EPHB1: variants seen among roughly 807,000 people sequenced by gnomAD.
EPHB1 encodes the protein ephrin type-B receptor 1.
A neutral mutation model predicts 94.4 loss-of-function variants in EPHB1; 30 were observed. That is an observed-to-expected ratio of 0.32 (90% confidence interval 0.24 to 0.43). The LOEUF (loss-of-function observed/expected upper bound fraction) is 0.43. EPHB1 is among the 20% of genes least tolerant of loss of function. The probability of loss-of-function intolerance (pLI) is 1.00; values close to 1 mark genes in which losing one functional copy is unlikely to be tolerated. For synonymous variants in EPHB1, 522 were observed against 489.1 expected (o/e 1.07, Z -0.89); for missense variants, 1,055 against 1,308.3 (o/e 0.81, Z 2.99).
At chr3:135,255,674 T>C (rs1378245350) in intron 15 of EPHB1, among the ~76,000 whole-genome samples, 6 of 151,218 alleles carry the variant, frequency 4.0e-5, no homozygotes, top group Non-Finnish European at 8.8e-5. Flanking sequence ...GGTGTGGTGC[T>C]GAAAAAAAGT....
intron 5 of EPHB1, among the ~76,000 whole-genome samples, chr3:135,136,607 C>T (rs1193323710): frequency 1.1e-4 from 16 of 152,208 alleles, no homozygotes; most frequent in Non-Finnish European, 1.5e-4. Context: ...TCATTTGCAC[C>T]TCCCTAGGCT....
chr3:134,795,503 C>T lies in EPHB1; in HGVS notation c.-129C>T, dbSNP rs1243058951. 2 of 886,122 alleles carry T rather than the reference C, an allele frequency of 2.3e-6. No homozygotes were observed. Among genetic ancestry groups the T allele is most frequent in the African/African-American group, 1.8e-5 (1 of 56,304 alleles). The allele number at this position is 886,122 out of a possible 1,614,324, so 54.9% of individuals were successfully genotyped here. The stretch of plus-strand genomic sequence containing the variant: ...CGCCCACGCAGCGCTCCGGGAAGTC[C>T]GGTCCGGGCGAGAGCGCGAAAGGAT... On this transcript the variant is annotated 5_prime_UTR_variant, in exon 1 of 16. Coordinates refer to ENST00000398015, the MANE Select transcript of EPHB1 (RefSeq NM_004441.5).
At chr3:135,034,545 G>T (rs1040719409) in intron 3 of EPHB1, among the ~76,000 whole-genome samples, 4 of 152,262 alleles carry the variant, frequency 2.6e-5, no homozygotes, top group Non-Finnish European at 5.9e-5. Flanking sequence ...AGGATTAGAG[G>T]CTGAAAACCC....
chr3:135,257,800 C>T (rs1326798957), intron 15 of EPHB1, among the ~76,000 whole-genome samples: 2 of 152,072 alleles, frequency 1.3e-5, no homozygotes, highest in African/African-American at 4.8e-5. Flanking sequence ...TGGTGGGCGC[C>T]CCTCCCCCAG....
chr3:135,028,335 C>A lies in EPHB1; in HGVS notation c.805+76283C>A, dbSNP rs1272899149. Among the ~76,000 whole-genome samples the A allele has an allele frequency of 1.6e-3, 234 of 144,116 alleles. 1 individual carries two copies. Among genetic ancestry groups the A allele is most frequent in the Middle Eastern group, 3.5e-3 (1 of 286 alleles). 94.5% of individuals were successfully genotyped at this position (144,116 alleles called of 152,430 possible). On this transcript the variant is annotated intron_variant, in intron 3 of 15. Coordinates refer to ENST00000398015, the MANE Select transcript of EPHB1 (RefSeq NM_004441.5). ...TGATGTTAGGGTGTCAATTTTTGAT[C>A]TCTCCTGCTTTCTCTTGTAGGCATT...
chr3:134,797,382 G>A (rs1417383915), intron 1 of EPHB1, among the ~76,000 whole-genome samples: 2 of 152,162 alleles, frequency 1.3e-5, no homozygotes, highest in South Asian at 2.1e-4. Context: ...GGAAAGCCAG[G>A]GTGAGCGCAT....
At chr3:135,178,572 A>T (rs1942058127) in intron 9 of EPHB1, among the ~76,000 whole-genome samples, 2 of 151,992 alleles carry the variant, frequency 1.3e-5, no homozygotes, top group Non-Finnish European at 2.9e-5. Context: ...ACCAAGCAAC[A>T]CCAGTTTAGG....
chr3:135,258,996 G>T lies in EPHB1; in HGVS notation c.2847-16G>T. On this transcript the variant is annotated splice_polypyrimidine_tract_variant and intron_variant, in intron 15 of 15. Coordinates refer to ENST00000398015, the MANE Select transcript of EPHB1 (RefSeq NM_004441.5). ...CTAACACTAAAGTGACTTCTTTTCT[G>T]GCTCTTTCCTCCTAGAGACCTCCTG... is the stretch of plus-strand genomic sequence containing the variant. 1 of 1,583,096 alleles carries T rather than the reference G, an allele frequency of 6.3e-7. No individual in the cohort carries two copies. The highest frequency in any genetic ancestry group is 8.6e-7 in the Non-Finnish European group (1 of 1,160,828).
At position 135,132,921 on chromosome 3, in the gene EPHB1, G is replaced by A. The variant is rs201125634; in HGVS notation, c.1169G>A (p.Arg390His). 3.1e-5 allele frequency: 50 copies of A among 1,613,998 alleles called. No homozygotes were observed. In the East Asian group the frequency reaches 4.7e-4, roughly 15 times the overall value. The change falls in exon 5 of 16, where the codon CGC becomes CAC. Residue 390 changes from arginine (R) to histidine (H), a missense_variant. Physicochemically the swap from Arg to His is conservative, Grantham distance 29. Transcript: ENST00000398015. ...VPRQLGLTEC[R>H]VSISSLWAHT... ...AGGCAGCTGGGCCTGACGGAGTGCCGCGTCTCCATCAGCAGCCTGTGGGCC... is the reference window on the plus strand; with the variant it reads ...AGGCAGCTGGGCCTGACGGAGTGCCACGTCTCCATCAGCAGCCTGTGGGCC...
intron 3 of EPHB1, among the ~76,000 whole-genome samples, chr3:135,041,803 G>A (rs1001271327): frequency 6.6e-6 from 1 of 152,134 alleles, no homozygotes; most frequent in African/African-American, 2.4e-5. Context: ...TAAGATTGAG[G>A]GCCCACATCT....
At chr3:135,135,775 T>C (rs1940600235) in intron 5 of EPHB1, among the ~76,000 whole-genome samples, 1 of 152,198 alleles carries the variant, frequency 6.6e-6, no homozygotes, top group South Asian at 2.1e-4. Context: ...AGTCCTGGGA[T>C]CAATCATTAA....
intron 5 of EPHB1, among the ~76,000 whole-genome samples, chr3:135,133,581 C>A (rs985878431): frequency 6.6e-6 from 1 of 152,154 alleles, no homozygotes; most frequent in Non-Finnish European, 1.5e-5. Flanking sequence ...ATCAATATTA[C>A]CTTCATTTTC....
Position 135,249,629 on chromosome 3 carries a change from G to C in EPHB1, c.2846+138G>C. The C allele has an allele frequency of 4.2e-6, 4 of 947,502 alleles. No homozygotes were observed. In the South Asian group the frequency reaches 8.6e-5, roughly 20 times the overall value. 58.7% of individuals were successfully genotyped at this position (947,502 alleles called of 1,614,324 possible). A position where few individuals can be genotyped will look rare whatever the true frequency, so the allele number is the denominator to read the frequency against. ...TGTATAGACCAGGCCTGGATGGGGAGCACCTTGGAAAGATGAAGGGGGATG... is the reference window on the plus strand; with the variant it reads ...TGTATAGACCAGGCCTGGATGGGGACCACCTTGGAAAGATGAAGGGGGATG... On this transcript the variant is annotated intron_variant, in intron 15 of 15. Coordinates refer to ENST00000398015, the MANE Select transcript of EPHB1 (RefSeq NM_004441.5).
At chr3:134,945,406 G>A (rs1006956341) in intron 2 of EPHB1, among the ~76,000 whole-genome samples, 1 of 152,174 alleles carries the variant, frequency 6.6e-6, no homozygotes, top group Non-Finnish European at 1.5e-5. Flanking sequence ...TTATTCTGGA[G>A]TAAGGTATAA....
intron 12 of EPHB1, among the ~76,000 whole-genome samples, chr3:135,208,269 G>A (rs1942950307): frequency 6.7e-6 from 1 of 150,160 alleles, no homozygotes; most frequent in Non-Finnish European, 1.5e-5. Flanking sequence ...CAGCCTTAGA[G>A]CAATGGGAAA....
intron 12 of EPHB1, among the ~76,000 whole-genome samples, chr3:135,217,462 A>G (rs865863558): frequency 0.058 from 8,332 of 144,396 alleles, 332 homozygotes; most frequent in African/African-American, 0.1. Context: ...ACACACACAC[A>G]CACACGCACA....
rs1942753790 is a variant in EPHB1, at chr3:135,201,474, C to G, written c.2131C>G (p.Gln711Glu). The change falls in exon 12 of 16, where the codon CAA (glutamine) becomes GAA (glutamate). Residue 711 changes from glutamine to glutamate, a missense_variant and splice_region_variant. By Grantham distance (29) the Gln-to-Glu change is conservative. Coordinates refer to ENST00000398015, the MANE Select transcript of EPHB1 (RefSeq NM_004441.5). Reference sequence around the variant, plus strand: ...CAATGCCCTCTATGTCTTATTACAGCAAAATGACGGGCAGTTCACCGTGAT... The same window carrying G: ...CAATGCCCTCTATGTCTTATTACAGGAAAATGACGGGCAGTTCACCGTGAT... ...ENGALDSFLRQNDGQFTVIQL... is the reference protein window; with the variant it reads ...ENGALDSFLRENDGQFTVIQL... 1 of 1,613,812 alleles carries G rather than the reference C, an allele frequency of 6.2e-7. No homozygotes were observed.
At chr3:135,211,673 G>A (rs962631822) in intron 12 of EPHB1, among the ~76,000 whole-genome samples, 4 of 151,972 alleles carry the variant, frequency 2.6e-5, no homozygotes, top group African/African-American at 9.7e-5. Context: ...TTGAATCATT[G>A]TTCTCCTACA....
intron 15 of EPHB1, among the ~76,000 whole-genome samples, chr3:135,257,550 C>A (rs143322006): frequency 6.6e-6 from 1 of 151,956 alleles, no homozygotes; most frequent in African/African-American, 2.4e-5. Context: ...GGTCAGGGAC[C>A]CACCTGAGGA....
Sources: gnomAD v4.1 joint callset for allele counts (sites outside exome capture counted in the v4.1 genomes callset) on GRCh38, gnomAD v4.1.1 for gene constraint, MANE v1.5 for transcripts, NCBI Gene and HGNC (gene_info 2026-07-23, HGNC 2026-07-21) for gene names.